The following MGLL variants were observed in gnomAD, a reference collection of about 807,000 sequenced individuals.
MGLL encodes monoglyceride lipase.
Under a neutral mutation model 29.1 loss-of-function variants are expected in MGLL, and 7 were observed. That is an observed-to-expected ratio of 0.24 (90% CI 0.14 to 0.45). The LOEUF (loss-of-function observed/expected upper bound fraction) is 0.45, where lower values mean the gene tolerates loss of function less well. MGLL is among the 20% of genes least tolerant of loss of function. The pLI, the probability that MGLL is intolerant of heterozygous loss-of-function variation, is 0.99. For missense variants in MGLL, 356 were observed against 413.6 expected, an observed-to-expected ratio of 0.86 and a Z score of 1.21; for synonymous variants, 148 against 168.3, an observed-to-expected ratio of 0.88 and a Z score of 0.93.
At chr3:127,775,330 G>A (rs758721230) in intron 3 of MGLL, among the ~76,000 whole-genome samples, 5 of 152,104 alleles carry the variant, frequency 3.3e-5, no homozygotes, top group African/African-American at 4.8e-5. Context: ...TTTTTCAAAC[G>A]TTTCAAACAA....
chr3:127,803,033 G>A (rs1358671669), intron 2 of MGLL, among the ~76,000 whole-genome samples: 6 of 151,882 alleles, frequency 4.0e-5, no homozygotes, highest in Non-Finnish European at 7.4e-5. Flanking sequence ...AGGCTGGGGT[G>A]CAGTGGCACA....
chr3:127,717,637 T>C (rs995575506), intron 5 of MGLL, among the ~76,000 whole-genome samples: 1 of 152,282 alleles, frequency 6.6e-6, no homozygotes, highest in Non-Finnish European at 1.5e-5. Flanking sequence ...AGGGACAACC[T>C]TGGCAACAGG....
intron 3 of MGLL, among the ~76,000 whole-genome samples, chr3:127,755,429 C>T (rs1576553522): frequency 6.6e-6 from 1 of 152,278 alleles, no homozygotes; most frequent in East Asian, 1.9e-4. Context: ...CGCTGTAGGC[C>T]CCCAAACATG....
In MGLL at chr3:127,701,620, TTGCACA is replaced by T. The variant is rs554476513; in HGVS notation, c.601-6436_601-6431del. Among the ~76,000 whole-genome samples the T allele has an allele frequency of 4.6e-5, 7 of 152,242 alleles. No homozygotes were observed. The East Asian group carries it at 9.7e-4, about 21-fold the overall frequency. Reference sequence around the variant, plus strand: ...CCCACTCCCCTTGACCCCAGGGCCCTTGCACAGCATGTCCCCTCAGCCTTCAGACCC... The same window carrying T: ...CCCACTCCCCTTGACCCCAGGGCCCTGCATGTCCCCTCAGCCTTCAGACCC... On this transcript the variant is annotated intron_variant, in intron 6 of 7. Transcript: ENST00000265052.
intron 3 of MGLL, among the ~76,000 whole-genome samples, chr3:127,749,664 A>G (rs1204603003): frequency 6.6e-6 from 1 of 152,096 alleles, no homozygotes; most frequent in Non-Finnish European, 1.5e-5. Context: ...GGCCTTATAC[A>G]CACCCCTCAT....
chr3:127,705,711 G>A (rs1373678426), intron 6 of MGLL, among the ~76,000 whole-genome samples: 1 of 151,724 alleles, frequency 6.6e-6, no homozygotes, highest in African/African-American at 2.4e-5. Context: ...GGGAGGTGGA[G>A]GTTGTGGTAA....
chr3:127,789,510 G>A (rs1304161561), intron 2 of MGLL, among the ~76,000 whole-genome samples: 1 of 152,194 alleles, frequency 6.6e-6, no homozygotes, highest in African/African-American at 2.4e-5. Context: ...AGGAGTTTGA[G>A]ACCAGCCTGG....
In MGLL at chr3:127,707,122, C is replaced by T. The variant is rs114957995; in HGVS notation, c.600+3454G>A. Among the ~76,000 whole-genome samples, 402 of 152,284 alleles carry T rather than the reference C, an allele frequency of 2.6e-3. 2 individuals carry two copies. Among genetic ancestry groups the T allele is most frequent in the African/African-American group, 8.8e-3 (364 of 41,554 alleles). On this transcript the variant is annotated intron_variant, in intron 6 of 7. Coordinates refer to ENST00000265052, the MANE Select transcript of MGLL (RefSeq NM_007283.7). ...CTGAGGGAATATAAACTAGCAGATG[C>T]GCAGGAAGGGCCTCCCAGGGTACTT...
chr3:127,810,913 A>G (rs1285665029), intron 2 of MGLL, among the ~76,000 whole-genome samples: 2 of 136,264 alleles, frequency 1.5e-5, no homozygotes, highest in Non-Finnish European at 2.9e-5. Context: ...AACACCTGCC[A>G]TACTGTAACT....
chr3:127,752,966 C>A (rs2076587177), intron 3 of MGLL, among the ~76,000 whole-genome samples: 1 of 152,046 alleles, frequency 6.6e-6, no homozygotes, highest in Non-Finnish European at 1.5e-5. Flanking sequence ...TTTTGTTGTG[C>A]CCTTGATTGA....
chr3:127,704,509 T>A (rs578071341), intron 6 of MGLL, among the ~76,000 whole-genome samples: 2 of 152,306 alleles, frequency 1.3e-5, no homozygotes, highest in South Asian at 4.1e-4. Context: ...GACAAAGGTC[T>A]AATATCCAGA....
chr3:127,718,396 C>T (rs187764937), intron 5 of MGLL, among the ~76,000 whole-genome samples: 2 of 152,302 alleles, frequency 1.3e-5, no homozygotes, highest in Non-Finnish European at 2.9e-5. Context: ...ACAGATTTCC[C>T]AAACAGAACG....
chr3:127,821,066 A>G (rs530787591), intron 2 of MGLL, among the ~76,000 whole-genome samples: 1 of 152,334 alleles, frequency 6.6e-6, no homozygotes, highest in Non-Finnish European at 1.5e-5. Flanking sequence ...CTTTTTCCAA[A>G]TAACACAAAC....
At chr3:127,713,516 CCCTGA>C (rs1434017901) in intron 5 of MGLL, 2 of 152,318 alleles carry the variant, frequency 1.3e-5, no homozygotes, top group East Asian at 1.9e-4. Flanking sequence ...CCTACCCATT[CCCTGA>C]CCAGATGGCT....
At chr3:127,764,919 A>C (rs188477877) in intron 3 of MGLL, among the ~76,000 whole-genome samples, 1 of 152,096 alleles carries the variant, frequency 6.6e-6, no homozygotes, top group Non-Finnish European at 1.5e-5. Context: ...AGAGACTTTG[A>C]CTCATCCTTT....
chr3:127,740,465 C>T (rs374044753), intron 3 of MGLL, among the ~76,000 whole-genome samples: 3 of 151,996 alleles, frequency 2.0e-5, no homozygotes, highest in Non-Finnish European at 2.9e-5. Context: ...GAGTGGACTT[C>T]GCAAAAACCC....
chr3:127,734,849 G>T (rs2076216771), intron 3 of MGLL, among the ~76,000 whole-genome samples: 1 of 152,228 alleles, frequency 6.6e-6, no homozygotes, highest in African/African-American at 2.4e-5. Flanking sequence ...GGGAGCCCCT[G>T]ACTGTGAGGA....
chr3:127,709,709 G>A (rs1203990983), intron 6 of MGLL, among the ~76,000 whole-genome samples: 1 of 152,166 alleles, frequency 6.6e-6, no homozygotes, highest in Non-Finnish European at 1.5e-5. Flanking sequence ...GCAGAAGAGT[G>A]GCAAACTTAT....
Position 127,706,993 on chromosome 3 carries a change from C to T in MGLL, c.600+3583G>A, listed in dbSNP as rs1462883447. 7.2e-5 allele frequency among the ~76,000 whole-genome samples: 11 copies of T among 152,138 alleles called. No individual in the cohort carries two copies. The East Asian group carries it at 9.7e-4, about 13-fold the overall frequency. On this transcript the variant is annotated intron_variant, in intron 6 of 7. Transcript: ENST00000265052. Reference sequence around the variant, plus strand: ...ACAGGGGGACCTGGAGCCAACTCCTCGACATTGGGCACATCCGAAACACCG... The same window carrying T: ...ACAGGGGGACCTGGAGCCAACTCCTTGACATTGGGCACATCCGAAACACCG...
Sources: allele counts gnomAD v4.1 joint callset (sites outside exome capture counted in the v4.1 genomes callset), GRCh38; gene constraint gnomAD v4.1.1; transcripts MANE v1.5; gene names NCBI Gene and HGNC (gene_info 2026-07-23, HGNC 2026-07-21).